Variants in EXOC6 observed in about 807,000 individuals in gnomAD.
EXOC6 encodes exocyst complex component 6.
Under a neutral mutation model 112.5 loss-of-function variants are expected in EXOC6, and 60 were observed. The observed-to-expected ratio is 0.53, with a 90% CI of 0.43 to 0.66. EXOC6 has a LOEUF of 0.66. Ranked by LOEUF, EXOC6 falls within the 30% of genes least tolerant of loss-of-function variation. EXOC6 has a pLI of 0.00. For synonymous variants in EXOC6, 295 were observed against 308.0 expected, an observed-to-expected ratio of 0.96 and a Z score of 0.44; for missense variants, 855 against 957.1, an observed-to-expected ratio of 0.89 and a Z score of 1.41.
intron 17 of EXOC6, among the ~76,000 whole-genome samples, chr10:92,959,316 T>C (rs912404636): frequency 6.6e-6 from 1 of 152,158 alleles, no homozygotes; most frequent in Non-Finnish European, 1.5e-5. Flanking sequence ...AAAATGAATC[T>C]AGACCAGACC....
chr10:92,834,887 C>G (rs1473960380), intron 1 of EXOC6: 1 of 939,050 alleles, frequency 1.1e-6, no homozygotes, highest in African/African-American at 1.7e-5. Flanking sequence ...CTTTACCCTG[C>G]TTTTTATAAT....
At position 92,934,424 on chromosome 10, in the gene EXOC6, T is replaced by C; in HGVS notation, c.1134T>C (p.Ala378=). The C allele has an allele frequency of 6.4e-7, 1 of 1,565,428 alleles. No individual in the cohort carries two copies. The highest frequency in any genetic ancestry group is 8.6e-7 in the Non-Finnish European group (1 of 1,160,828). The change falls in exon 11 of 22, where the codon GCT becomes GCC. Residue 378 remains alanine (A), a synonymous_variant. Coordinates refer to ENST00000260762, the MANE Select transcript of EXOC6 (RefSeq NM_019053.6). ...CAAAGATAATTGCTGTCCTTAGAGC[T>C]CATTCAGTAAGTCAGACAATTTACA... ...ALSKIIAVLR[A]HSSYCTDPDL... is the part of the protein sequence containing the mutation.
Position 92,915,828 on chromosome 10 carries a change from A to G in EXOC6, c.734A>G (p.Tyr245Cys). The G allele has an allele frequency of 1.3e-6, 2 of 1,542,932 alleles. No individual in the cohort carries two copies. The highest frequency in any genetic ancestry group is 5.0e-5 in the East Asian group (2 of 40,240). Residue 245 changes from tyrosine to cysteine, a missense_variant, in exon 7 of 22, where the codon TAT becomes TGT. Transcript: ENST00000260762. ...QNKMKFGKNM[Y>C]INRDRIPEER... Reference sequence around the variant, plus strand: ...AAAATGAAATTTGGGAAAAATATGTATATAAATCGTGATAGAATTCCAGAG... The same window carrying G: ...AAAATGAAATTTGGGAAAAATATGTGTATAAATCGTGATAGAATTCCAGAG...
At chr10:93,056,868 G>GTT in intron 20 of EXOC6, 56 bp from the exon 21 acceptor site, 2 of 937,546 alleles carry the variant, frequency 2.1e-6, no homozygotes, top group Non-Finnish European at 3.4e-6. Flanking sequence ...TATAATTTAA[G>GTT]TATTAACTGG....
intron 17 of EXOC6, among the ~76,000 whole-genome samples, chr10:92,965,807 CAT>C (rs758762903): frequency 3.9e-5 from 6 of 152,116 alleles, no homozygotes; most frequent in African/African-American, 7.2e-5. Flanking sequence ...AGATCAGACA[CAT>C]ATGTTTTCTA....
At chr10:92,955,382 G>GTATA (rs1231088966) in intron 16 of EXOC6, among the ~76,000 whole-genome samples, 198 bp from the exon 17 acceptor site, 1 of 149,266 alleles carries the variant, frequency 6.7e-6, no homozygotes, top group Non-Finnish European at 1.5e-5. Context: ...GTGTGTGTGT[G>GTATA]TGTGTGTATA....
At chr10:92,994,775 A>G (rs189937170) in intron 18 of EXOC6, among the ~76,000 whole-genome samples, 2 of 152,020 alleles carry the variant, frequency 1.3e-5, no homozygotes, top group East Asian at 3.9e-4. Context: ...AATAATAATA[A>G]TAATAATAAT....
intron 20 of EXOC6, among the ~76,000 whole-genome samples, chr10:93,043,012 C>T (rs898549807): frequency 6.6e-6 from 1 of 151,960 alleles, no homozygotes; most frequent in Non-Finnish European, 1.5e-5. Flanking sequence ...TCTTGGCCCA[C>T]TGCAACCTCT....
chr10:92,988,935 A>C (rs1564889910), intron 18 of EXOC6, among the ~76,000 whole-genome samples: 1 of 152,038 alleles, frequency 6.6e-6, no homozygotes, highest in Non-Finnish European at 1.5e-5. Flanking sequence ...TTTATTTATA[A>C]CTGTAAAAAT....
chr10:92,998,616 G>C (rs921274187), intron 19 of EXOC6, among the ~76,000 whole-genome samples: 7 of 124,470 alleles, frequency 5.6e-5, no homozygotes, highest in African/African-American at 1.8e-4. Flanking sequence ...AAGATCAATT[G>C]TCTGTTGCAC....
intron 1 of EXOC6, among the ~76,000 whole-genome samples, chr10:92,857,903 A>G (rs1273996032): frequency 6.8e-6 from 1 of 146,676 alleles, no homozygotes; most frequent in African/African-American, 2.5e-5. Flanking sequence ...GCTTGAAACT[A>G]TTTCCTGTTT....
At chr10:92,869,989 T>C in intron 1 of EXOC6, among the ~76,000 whole-genome samples, 1 of 147,842 alleles carries the variant, frequency 6.8e-6, no homozygotes, top group Non-Finnish European at 1.5e-5. Context: ...TCTCACTCTA[T>C]TGTCTAGGCT....
chr10:92,870,445 T>C (rs145642510), intron 1 of EXOC6, among the ~76,000 whole-genome samples: 6 of 152,342 alleles, frequency 3.9e-5, no homozygotes, highest in African/African-American at 1.4e-4. Flanking sequence ...TTTCCTATTA[T>C]TGAAATAGTC....
intron 17 of EXOC6, among the ~76,000 whole-genome samples, chr10:92,968,071 C>T (rs909784242): frequency 1.3e-5 from 2 of 151,958 alleles, no homozygotes; most frequent in Non-Finnish European, 2.9e-5. Flanking sequence ...TAAGCATTTA[C>T]CATCTTAGGT....
chr10:92,832,728 T>C (rs2133565326), upstream of EXOC6, among the ~76,000 whole-genome samples: 2 of 149,358 alleles, frequency 1.3e-5, no homozygotes, highest in East Asian at 2.0e-4. Flanking sequence ...AGTGGCCCGA[T>C]CTTGGCTCAC....
chr10:92,918,838 G>A (rs1851268725), intron 7 of EXOC6, among the ~76,000 whole-genome samples: 2 of 152,142 alleles, frequency 1.3e-5, no homozygotes, highest in African/African-American at 2.4e-5. Flanking sequence ...ATGCACATAT[G>A]TGTATGTGTG....
chr10:92,891,996 C>T (rs976706587), intron 1 of EXOC6, among the ~76,000 whole-genome samples: 2 of 151,998 alleles, frequency 1.3e-5, no homozygotes, highest in Non-Finnish European at 2.9e-5. Flanking sequence ...GTAAGTTTAC[C>T]TGTCCTGCAG....
At chr10:92,900,571 G>A (rs1295914502) in intron 5 of EXOC6, 8 of 149,322 alleles carry the variant, frequency 5.4e-5, no homozygotes, top group Admixed American at 2.0e-4. Context: ...TTTCTTTCAC[G>A]TATGTATTAA....
chr10:92,886,180 C>A (rs1229527089), intron 1 of EXOC6, among the ~76,000 whole-genome samples: 1 of 152,158 alleles, frequency 6.6e-6, no homozygotes, highest in Non-Finnish European at 1.5e-5. Flanking sequence ...AGAGTGAGTA[C>A]TGCTTAACAG....
Sources: gnomAD v4.1 joint callset for allele counts (sites outside exome capture counted in the v4.1 genomes callset) on GRCh38, gnomAD v4.1.1 for gene constraint, MANE v1.5 for transcripts, NCBI Gene and HGNC (gene_info 2026-07-23, HGNC 2026-07-21) for gene names.